Variants in TNFRSF4 observed in about 807,000 individuals in gnomAD.
TNFRSF4 encodes the protein TNF receptor superfamily member 4, also known as tumor necrosis factor receptor superfamily member 4.
A neutral mutation model predicts 29.5 loss-of-function variants in TNFRSF4; 21 were observed. That is an observed-to-expected ratio of 0.71 (90% CI 0.51 to 1.03). The LOEUF (loss-of-function observed/expected upper bound fraction) is 1.03. Ranked by LOEUF, TNFRSF4 falls within the 50% of genes least tolerant of loss-of-function variation. The pLI, the probability that TNFRSF4 is intolerant of heterozygous loss-of-function variation, is 0.00. For missense variants in TNFRSF4, 408 were observed against 387.8 expected, an observed-to-expected ratio of 1.05 and a Z score of -0.44; for synonymous variants, 197 against 172.7, an observed-to-expected ratio of 1.14 and a Z score of -1.10.
At chr1:1,213,866 G>T in intron 1 of TNFRSF4, 81 bp from the exon 2 acceptor site, 1 of 1,482,246 alleles carries the variant, frequency 6.7e-7, no homozygotes, top group East Asian at 2.5e-5. Context: ...CCTCTGCCAG[G>T]CTTGGCCGGC....
chr1:1,212,690 G>T lies in TNFRSF4; in HGVS notation c.385C>A (p.Pro129Thr). Residue 129 changes from proline (P) to threonine (T), a missense_variant, in exon 4 of 7, where the codon CCT becomes ACT. Pro to Thr is a conservative substitution (Grantham distance 38). Transcript: ENST00000379236. ...YKPGVDCAPC[P>T]PGHFSPGDNQ... ...TCGCCTGGGGAGAAGTGCCCTGGAG[G>T]GCAGGGGGCACAGTCTGCAACAAAG... 6.3e-7 allele frequency: 1 copy of T among 1,578,554 alleles called. No individual in the cohort carries two copies. Among genetic ancestry groups the T allele is most frequent in the Non-Finnish European group, 8.6e-7 (1 of 1,162,980 alleles).
chr1:1,213,630 T>C (rs759065997), intron 2 of TNFRSF4, 33 bp downstream of exon 2: 2 of 1,555,124 alleles, frequency 1.3e-6, no homozygotes, highest in African/African-American at 2.7e-5. Context: ...CCCCCTGTGC[T>C]GGGTGGGGCT....
chr1:1,211,532 G>A lies in TNFRSF4; in HGVS notation c.*23C>T. Reference sequence around the variant, plus strand: ...CCGGGCTCCAGCCTGGCGGGGCCCAGCGTCCACCTTGGTGGGCCCAGGTCA... The same window carrying A: ...CCGGGCTCCAGCCTGGCGGGGCCCAACGTCCACCTTGGTGGGCCCAGGTCA... On this transcript the variant is annotated 3_prime_UTR_variant, in exon 7 of 7. Coordinates refer to ENST00000379236, the MANE Select transcript of TNFRSF4 (RefSeq NM_003327.4). 6.7e-7 allele frequency: 1 copy of A among 1,481,604 alleles called. No individual in the cohort carries two copies. The highest frequency in any genetic ancestry group is 8.9e-7 in the Non-Finnish European group (1 of 1,118,036). 91.8% of individuals were successfully genotyped at this position (1,481,604 alleles called of 1,614,324 possible).
chr1:1,212,811 G>C (rs1165490079), intron 3 of TNFRSF4, 107 bp from the exon 4 acceptor site: 8 of 1,257,694 alleles, frequency 6.4e-6, no homozygotes, highest in Non-Finnish European at 7.5e-6. Context: ...TGGGTGGTGG[G>C]TTTGGCCTCT....
At position 1,213,853 on chromosome 1, in the gene TNFRSF4, G is replaced by C. The variant is rs1649335502; in HGVS notation, c.146-68C>G. On this transcript the variant is annotated intron_variant, in intron 1 of 6. Coordinates refer to ENST00000379236, the MANE Select transcript of TNFRSF4 (RefSeq NM_003327.4). ...TTGCGCCCGTGGACCCCCCCAGGCG[G>C]CTCCTCTGCCAGGCTTGGCCGGCCC... The C allele has an allele frequency of 5.3e-6, 8 of 1,505,212 alleles. No homozygotes were observed. In the Middle Eastern group the frequency reaches 6.7e-4, roughly 125 times the overall value. 93.2% of individuals were successfully genotyped at this position (1,505,212 alleles called of 1,614,324 possible).
intron 4 of TNFRSF4, 95 bp downstream of exon 4, chr1:1,212,543 G>GGCCC (rs2100952145): frequency 1.5e-5 from 2 of 133,102 alleles, no homozygotes; most frequent in East Asian, 2.3e-4. Context: ...CACCCCACCT[G>GGCCC]CCCCCCCAGC....
rs1223182623 is a variant in TNFRSF4 at position 1,211,968 on chromosome 1, G to A, written c.608C>T (p.Ser203Phe). The A allele has an allele frequency of 6.3e-7, 1 of 1,590,652 alleles. No individual in the cohort carries two copies. The highest frequency in any genetic ancestry group is 1.1e-5 in the South Asian group (1 of 88,860). ...CCCGGGGACCTCCACGGGCCGGGTG[G>A]AGGGTCCCTGTGAGGTTCTGGGCCA... ...EAWPRTSQGPSTRPVEVPGGR... is the reference protein window; with the variant it reads ...EAWPRTSQGPFTRPVEVPGGR... Residue 203 changes from serine to phenylalanine, a missense_variant, in exon 5 of 7, where the codon TCC (serine) becomes TTC (phenylalanine). By Grantham distance (155) the Ser-to-Phe change is radical. Transcript: ENST00000379236.
At chr1:1,211,866 G>T in intron 5 of TNFRSF4, 34 bp from the exon 6 acceptor site, 1 of 1,515,862 alleles carries the variant, frequency 6.6e-7, no homozygotes. Context: ...GGGGTCCACA[G>T]GAGGGGCCCC....
At position 1,213,800 on chromosome 1, in the gene TNFRSF4, G is replaced by A. The variant is rs202012354; in HGVS notation, c.146-15C>T. On this transcript the variant is annotated splice_polypyrimidine_tract_variant and intron_variant, in intron 1 of 6. Transcript: ENST00000379236. ...CATCCCGTTGCCTGCAGCAGAGGCC[G>A]GCGTCAGGCAGCGGTCAGGCCCCAG... 2.3e-4 allele frequency: 368 copies of A among 1,587,662 alleles called. No individual in the cohort carries two copies. Among genetic ancestry groups the A allele is most frequent in the Admixed American group, 5.5e-4 (31 of 56,872 alleles).
Position 1,211,718 on chromosome 1 carries a change from G to C in TNFRSF4, c.749C>G (p.Ala250Gly), listed in dbSNP as rs1649119610. Residue 250 changes from alanine (A) to glycine (G), a missense_variant, in exon 6 of 7, where the codon GCC becomes GGC. Ala to Gly is a moderately conservative substitution (Grantham distance 60). Transcript: ENST00000379236. ...GAGGCACTCACCAGGGGGCTTGTGG[G>C]CATCGGGGGGCAGCCTCTGGTCCCT... The part of the protein sequence containing the change: ...LRRDQRLPPD[A>G]HKPPGGGSFR... 6.3e-7 allele frequency: 1 copy of C among 1,585,854 alleles called. No individual in the cohort carries two copies. The highest frequency in any genetic ancestry group is 8.6e-7 in the Non-Finnish European group (1 of 1,167,390).
rs775248751 is a variant in TNFRSF4, at chr1:1,213,780, C to T, written c.151G>A (p.Gly51Arg). The change falls in exon 2 of 7, where the codon GGG (glycine) becomes AGG (arginine). Residue 51 changes from glycine (G) to arginine (R), a missense_variant. Gly to Arg is a moderately radical substitution (Grantham distance 125). Coordinates refer to ENST00000379236, the MANE Select transcript of TNFRSF4 (RefSeq NM_003327.4). Reference sequence around the variant, plus strand: ...GAGCGGCTGCAGCGGCTCACCATCCCGTTGCCTGCAGCAGAGGCCGGCGTC... The same window carrying T: ...GAGCGGCTGCAGCGGCTCACCATCCTGTTGCCTGCAGCAGAGGCCGGCGTC... The part of the protein sequence containing the change: ...RCCHECRPGN[G>R]MVSRCSRSQN... 21 of 1,598,484 alleles carry T rather than the reference C, an allele frequency of 1.3e-5. No individual in the cohort carries two copies. In the East Asian group the frequency reaches 3.6e-4, roughly 28 times the overall value.
chr1:1,212,201 G>A (rs1649172473), intron 4 of TNFRSF4, 63 bp from the exon 5 acceptor site: 13 of 1,566,664 alleles, frequency 8.3e-6, no homozygotes, highest in Non-Finnish European at 1.1e-5. Flanking sequence ...AGATGCGGTG[G>A]GGATAACAGG....
chr1:1,212,611 C>A, intron 4 of TNFRSF4, 27 bp downstream of exon 4: 1 of 1,490,312 alleles, frequency 6.7e-7, no homozygotes, highest in South Asian at 1.3e-5. Flanking sequence ...CCCCCAGCCC[C>A]TCCCAGCCCC....
rs1649119440 is a variant in TNFRSF4, at chr1:1,211,716, G to A, written c.751C>T (p.His251Tyr). 1 of 1,585,646 alleles carries A rather than the reference G, an allele frequency of 6.3e-7. No homozygotes were observed. The change falls in exon 6 of 7, where the codon CAC (histidine) becomes TAC (tyrosine). Residue 251 changes from histidine to tyrosine, a missense_variant. By Grantham distance (83) the His-to-Tyr change is moderately conservative (BLOSUM62 2). Coordinates refer to ENST00000379236, the MANE Select transcript of TNFRSF4 (RefSeq NM_003327.4). Reference protein sequence around the residue: ...RRDQRLPPDAHKPPGGGSFRT... With the variant: ...RRDQRLPPDAYKPPGGGSFRT... ...ATGAGGCACTCACCAGGGGGCTTGT[G>A]GGCATCGGGGGGCAGCCTCTGGTCC...
Position 1,211,969 on chromosome 1 carries a change from A to G in TNFRSF4, c.607T>C (p.Ser203Pro). The stretch of plus-strand genomic sequence containing the variant: ...CCGGGGACCTCCACGGGCCGGGTGG[A>G]GGGTCCCTGTGAGGTTCTGGGCCAG... ...EAWPRTSQGP[S>P]TRPVEVPGGR... Residue 203 changes from serine to proline, a missense_variant, in exon 5 of 7, where the codon TCC becomes CCC. Coordinates refer to ENST00000379236, the MANE Select transcript of TNFRSF4 (RefSeq NM_003327.4). 6.3e-7 allele frequency: 1 copy of G among 1,589,924 alleles called. No individual in the cohort carries two copies. Among genetic ancestry groups the G allele is most frequent in the Non-Finnish European group, 8.6e-7 (1 of 1,169,098 alleles).
rs763240079 is a variant in TNFRSF4, at chr1:1,214,098, G to C, written c.30C>G (p.Arg10=). Residue 10 remains arginine, a synonymous_variant, in exon 1 of 7, where the codon CGC becomes CGG. Transcript: ENST00000379236. The surrounding 1 kb of genome is among the most constrained non-coding windows in gnomAD (Gnocchi z 4.2). ...GGAGGAGCAGAGCCGCACACGGCCC[G>C]CGGCCCAGCCGCCGAGCCCCCACGC... is the stretch of plus-strand genomic sequence containing the variant. MCVGARRLG[R]GPCAALLLLG... is the part of the protein sequence containing the mutation. 2.5e-6 allele frequency: 4 copies of C among 1,586,496 alleles called. No individual in the cohort carries two copies. Among genetic ancestry groups the C allele is most frequent in the South Asian group, 2.3e-5 (2 of 88,416 alleles).
intron 2 of TNFRSF4, 177 bp downstream of exon 2, chr1:1,213,486 G>A: frequency 1.4e-6 from 2 of 1,470,340 alleles, no homozygotes; most frequent in Non-Finnish European, 1.8e-6. Flanking sequence ...GAGGGAGAGG[G>A]GGTGCCCCTG....
In TNFRSF4 at chr1:1,211,565, G is replaced by A. The variant is rs1649100397; in HGVS notation, c.824C>T (p.Ala275Val). 1.3e-6 allele frequency: 2 copies of A among 1,507,844 alleles called. No homozygotes were observed. The highest frequency in any genetic ancestry group is 8.9e-7 in the Non-Finnish European group (1 of 1,129,480). The allele number at this position is 1,507,844 out of a possible 1,614,324, so 93.4% of individuals were successfully genotyped here. The change falls in exon 7 of 7, where the codon GCC (alanine) becomes GTC (valine). Residue 275 changes from alanine to valine, a missense_variant. Coordinates refer to ENST00000379236, the MANE Select transcript of TNFRSF4 (RefSeq NM_003327.4). ...CTTGGTGGGCCCAGGTCAGATCTTGGCCAGGGTGGAGTGGGCGTCGGCCTG... is the reference window on the plus strand; with the variant it reads ...CTTGGTGGGCCCAGGTCAGATCTTGACCAGGGTGGAGTGGGCGTCGGCCTG... ...EEQADAHSTL[A>V]KI
intron 3 of TNFRSF4, 49 bp downstream of exon 3, chr1:1,212,943 A>G: frequency 6.5e-6 from 10 of 1,534,376 alleles, no homozygotes; most frequent in Non-Finnish European, 8.8e-6. Context: ...TGCGTCACAG[A>G]CAGCCGCTAT....
Sources: allele counts gnomAD v4.1 joint callset, GRCh38; gene constraint gnomAD v4.1.1; non-coding constraint Gnocchi (gnomAD v3.1); transcripts MANE v1.5; gene names NCBI Gene and HGNC (gene_info 2026-07-23, HGNC 2026-07-21).